DMPK: variants seen among roughly 807,000 people sequenced by gnomAD.
DMPK encodes the protein DM1 protein kinase.
DMPK carries 32 observed loss-of-function variants against 70.3 expected under a neutral mutation model. That is an observed-to-expected ratio of 0.46 (90% CI 0.34 to 0.61). The LOEUF (loss-of-function observed/expected upper bound fraction) is 0.61, where lower values mean the gene tolerates loss of function less well. Among genes scored for constraint, DMPK ranks in the 20% least tolerant of loss-of-function variants. The probability of loss-of-function intolerance (pLI) is 0.01; values close to 1 mark genes in which losing one functional copy is unlikely to be tolerated. For missense variants in DMPK, 899 were observed against 886.0 expected, an observed-to-expected ratio of 1.01 and a Z score of -0.19; for synonymous variants, 469 against 390.9, an observed-to-expected ratio of 1.20 and a Z score of -2.36.
chr19:45,781,061 T>C (rs1970089420), intron 1 of DMPK, among the ~76,000 whole-genome samples: 1 of 152,166 alleles, frequency 6.6e-6, no homozygotes, highest in East Asian at 1.9e-4. Context: ...CTGAATGGCC[T>C]GGCCCTTCTT....
chr19:45,780,686 A>T, intron 1 of DMPK: 33 of 647,774 alleles, frequency 5.1e-5, no homozygotes, highest in Non-Finnish European at 5.9e-5. Context: ...TGGGTATGGG[A>T]GGGGAGGGAA....
Position 45,777,614 on chromosome 19 carries a change from T to C in DMPK, c.883-24A>G, listed in dbSNP as rs1393602414. On this transcript the variant is annotated intron_variant, in intron 7 of 14. Transcript: ENST00000291270. The surrounding 1 kb of genome is among the most constrained non-coding windows in gnomAD (Gnocchi z 6.7). ...TCCTGCTCAGAGGGAGAGGAGGCGA[T>C]AGCCTGGGAGCGCCTACCGGGAGAG... is the stretch of plus-strand genomic sequence containing the variant. 2 of 1,612,990 alleles carry C rather than the reference T, an allele frequency of 1.2e-6. No homozygotes were observed. Among genetic ancestry groups the C allele is most frequent in the Non-Finnish European group, 1.7e-6 (2 of 1,179,474 alleles).
intron 8 of DMPK, 181 bp from the exon 9 acceptor site, chr19:45,775,215 T>C: frequency 3.6e-6 from 2 of 555,826 alleles, no homozygotes; most frequent in Non-Finnish European, 6.5e-6. Context: ...TTACCCAGGC[T>C]GGAGTGCAGT....
chr19:45,773,941 C>G (rs1969621642), intron 9 of DMPK, among the ~76,000 whole-genome samples: 1 of 151,764 alleles, frequency 6.6e-6, no homozygotes, highest in Admixed American at 6.6e-5. Context: ...CCATGCCCAG[C>G]CTGTAAATTA....
intron 1 of DMPK, among the ~76,000 whole-genome samples, chr19:45,781,070 T>C (rs1384131293): frequency 6.6e-6 from 1 of 152,120 alleles, no homozygotes; most frequent in East Asian, 1.9e-4. Flanking sequence ...CTGGCCCTTC[T>C]TGGCCTCCAC....
Position 45,777,916 on chromosome 19 carries a change from G to C in DMPK, c.676-43C>G. The C allele has an allele frequency of 3.9e-6, 6 of 1,555,686 alleles. No individual in the cohort carries two copies. The highest frequency in any genetic ancestry group is 5.2e-6 in the Non-Finnish European group (6 of 1,148,200). The stretch of plus-strand genomic sequence containing the variant: ...GAGCGAGGCTTGGGCCCACCCCTCT[G>C]GGCCCACCAGCTCTGGGCCCTCCTT... On this transcript the variant is annotated intron_variant, in intron 6 of 14. Transcript: ENST00000291270. The surrounding 1 kb of genome is among the most constrained non-coding windows in gnomAD (Gnocchi z 6.7).
intron 14 of DMPK, 96 bp from the exon 15 acceptor site, chr19:45,770,736 C>T: frequency 5.1e-6 from 7 of 1,378,026 alleles, no homozygotes; most frequent in Non-Finnish European, 6.9e-6. Context: ...CGCACTCTTC[C>T]CTGCGCCCCG....
At chr19:45,778,243 G>A (rs1969891901) in intron 5 of DMPK, 23 bp from the exon 6 acceptor site, 13 of 1,601,336 alleles carry the variant, frequency 8.1e-6, no homozygotes, top group Non-Finnish European at 1.0e-5. Context: ...AAAGAGAAGG[G>A]TGGGATAAAT....
chr19:45,780,182 G>C, intron 1 of DMPK: 3 of 1,446,080 alleles, frequency 2.1e-6, no homozygotes, highest in South Asian at 1.5e-5. Context: ...TAAAGAACAA[G>C]GGGAGAAGGA....
Position 45,777,711 on chromosome 19 carries a change from C to T in DMPK, c.838G>A (p.Ala280Thr), listed in dbSNP as rs368945420. 8.1e-6 allele frequency: 13 copies of T among 1,613,872 alleles called. No homozygotes were observed. Among genetic ancestry groups the T allele is most frequent in the Admixed American group, 3.3e-5 (2 of 60,008 alleles). The change falls in exon 7 of 15, where the codon GCG becomes ACG. Residue 280 changes from alanine to threonine, a missense_variant. By Grantham distance (58) the Ala-to-Thr change is moderately conservative. Coordinates refer to ENST00000291270, the MANE Select transcript of DMPK (RefSeq NM_004409.5). This position sits in a 1 kb window ranked among gnomAD's most constrained non-coding sequence, Gnocchi z 6.7. Reference protein sequence around the residue: ...EMFYGQTPFYADSTAETYGKI... With the variant: ...EMFYGQTPFYTDSTAETYGKI... ...CCATAGGTCTCCGCCGTGGAATCCG[C>T]GTAGAAGGGCGTCTGCCCATAGAAC...
At chr19:45,771,210 G>A in intron 13 of DMPK, 140 bp downstream of exon 13, 2 of 1,273,844 alleles carry the variant, frequency 1.6e-6, no homozygotes, top group East Asian at 2.4e-5. Flanking sequence ...GGAGATCTGG[G>A]GCTGAATAAA....
chr19:45,772,005 G>A (rs1400062596), intron 10 of DMPK, 77 bp from the exon 11 acceptor site: 1 of 1,462,960 alleles, frequency 6.8e-7, no homozygotes, highest in Non-Finnish European at 9.0e-7. Flanking sequence ...TCCAGGCTAG[G>A]AATCCTTGTT....
chr19:45,779,380 C>G, intron 3 of DMPK, 21 bp from the exon 4 acceptor site: 1 of 1,614,066 alleles, frequency 6.2e-7, no homozygotes, highest in Non-Finnish European at 8.5e-7. Context: ...CCCGGAGGAG[C>G]TGCAGCCGGA....
chr19:45,774,394 T>A (rs770656856), intron 9 of DMPK, among the ~76,000 whole-genome samples: 2 of 151,644 alleles, frequency 1.3e-5, no homozygotes, highest in African/African-American at 4.9e-5. Flanking sequence ...CCCAAGTAGC[T>A]GGGACCGCAA....
At chr19:45,775,522 GTT>G (rs1228015501) in intron 8 of DMPK, among the ~76,000 whole-genome samples, 3 of 95,258 alleles carry the variant, frequency 3.1e-5, no homozygotes, top group African/African-American at 7.1e-5. Flanking sequence ...GCCCAGTTCT[GTT>G]TTTTTTTTTT....
chr19:45,779,577 C>T, intron 2 of DMPK, 55 bp from the exon 3 acceptor site: 1 of 1,606,456 alleles, frequency 6.2e-7, no homozygotes, highest in South Asian at 1.1e-5. Flanking sequence ...AAAGGGCTCG[C>T]CCAGACCCAA....
chr19:45,782,212 C>T lies in DMPK; in HGVS notation c.141G>A (p.Val47=). Residue 47 remains valine (V), a synonymous_variant, in exon 1 of 15, where the codon GTG becomes GTA. Coordinates refer to ENST00000291270, the MANE Select transcript of DMPK (RefSeq NM_004409.5). ...GASELAQDKY[V]ADFLQWAEPI... is the part of the protein sequence containing the mutation. ...ACTCACCCCACTGCAAGAAGTCGGCCACGTACTTGTCCTGGGCCAGTTCGG... is the reference window on the plus strand; with the variant it reads ...ACTCACCCCACTGCAAGAAGTCGGCTACGTACTTGTCCTGGGCCAGTTCGG... 1.3e-6 allele frequency: 2 copies of T among 1,584,570 alleles called. No individual in the cohort carries two copies. Among genetic ancestry groups the T allele is most frequent in the Non-Finnish European group, 1.7e-6 (2 of 1,165,138 alleles).
intron 9 of DMPK, among the ~76,000 whole-genome samples, chr19:45,773,735 G>A (rs1279293408): frequency 6.6e-6 from 1 of 152,146 alleles, no homozygotes; most frequent in Non-Finnish European, 1.5e-5. Flanking sequence ...TCAAACTCCA[G>A]GCTCAAGTGA....
At chr19:45,779,589 T>G (rs1320779857) in intron 2 of DMPK, 67 bp from the exon 3 acceptor site, 1 of 1,594,640 alleles carries the variant, frequency 6.3e-7, no homozygotes, top group African/African-American at 1.3e-5. Flanking sequence ...CAGACCCAAC[T>G]CCACCCGCTT....
Sources: gnomAD v4.1 joint callset for allele counts (sites outside exome capture counted in the v4.1 genomes callset) on GRCh38, gnomAD v4.1.1 for gene constraint, Gnocchi (gnomAD v3.1) non-coding constraint, MANE v1.5 for transcripts, NCBI Gene and HGNC (gene_info 2026-07-23, HGNC 2026-07-21) for gene names.